The following TRPC7 variants were observed in gnomAD, a reference collection of about 807,000 sequenced individuals.
The protein encoded by TRPC7 is short transient receptor potential channel 7.
A neutral mutation model predicts 90.1 loss-of-function variants in TRPC7; 42 were observed. The observed-to-expected ratio is 0.47, with a 90% CI of 0.36 to 0.60. TRPC7 has a LOEUF of 0.60. Among genes scored for constraint, TRPC7 ranks in the 20% least tolerant of loss-of-function variants. The probability of loss-of-function intolerance (pLI) is 0.00; values close to 1 mark genes in which losing one functional copy is unlikely to be tolerated. For synonymous variants in TRPC7, 451 were observed against 436.3 expected (o/e 1.03, Z -0.42); for missense variants, 955 against 1,112.3 (o/e 0.86, Z 2.01).
intron 1 of TRPC7, among the ~76,000 whole-genome samples, chr5:136,361,646 G>A (rs1471800187): frequency 6.6e-6 from 1 of 152,136 alleles, no homozygotes; most frequent in East Asian, 1.9e-4. Context: ...TTTCTAAAAT[G>A]CTACATGCAT....
At position 136,227,698 on chromosome 5, in the gene TRPC7, G is replaced by C. The variant is rs374160981; in HGVS notation, c.2041-1443C>G. Among the ~76,000 whole-genome samples the C allele has an allele frequency of 2.4e-3, 371 of 152,340 alleles. 1 individual carries two copies. Among genetic ancestry groups the C allele is most frequent in the African/African-American group, 8.6e-3 (356 of 41,582 alleles). ...CCGTCCTGAGAGGAAGTGTGGTATAGTGCAAAGCACATGGGTTCTGCAGCC... is the reference window on the plus strand; with the variant it reads ...CCGTCCTGAGAGGAAGTGTGGTATACTGCAAAGCACATGGGTTCTGCAGCC... On this transcript the variant is annotated intron_variant, in intron 8 of 11. Transcript: ENST00000513104.
At chr5:136,284,013 G>A (rs1388931349) in intron 3 of TRPC7, among the ~76,000 whole-genome samples, 3 of 152,206 alleles carry the variant, frequency 2.0e-5, no homozygotes, top group East Asian at 1.9e-4. Flanking sequence ...TGTCCTCTTG[G>A]TGCTATCTGT....
At chr5:136,324,945 CT>C (rs1759300860) in intron 2 of TRPC7, among the ~76,000 whole-genome samples, 1 of 152,100 alleles carries the variant, frequency 6.6e-6, no homozygotes, top group Non-Finnish European at 1.5e-5. Context: ...CCCTTTAGGG[CT>C]GCAGTTATGG....
chr5:136,350,518 G>A (rs1760158482), intron 2 of TRPC7, among the ~76,000 whole-genome samples: 1 of 152,166 alleles, frequency 6.6e-6, no homozygotes, highest in Non-Finnish European at 1.5e-5. Context: ...GTTATTAAAG[G>A]ACACATTAAT....
chr5:136,354,134 G>A (rs192197600), intron 2 of TRPC7, among the ~76,000 whole-genome samples: 2 of 152,236 alleles, frequency 1.3e-5, no homozygotes, highest in African/African-American at 2.4e-5. Flanking sequence ...GAATTAATTG[G>A]TTTAGCTGTT....
intron 5 of TRPC7, among the ~76,000 whole-genome samples, chr5:136,257,051 T>C (rs2149808284): frequency 6.6e-6 from 1 of 152,350 alleles, no homozygotes; most frequent in African/African-American, 2.4e-5. Flanking sequence ...CAGGCCCACA[T>C]GTGGGCACAT....
intron 2 of TRPC7, among the ~76,000 whole-genome samples, chr5:136,345,160 G>A (rs13160439): frequency 0.025 from 3,787 of 152,228 alleles, 75 homozygotes; most frequent in Middle Eastern, 0.044. Context: ...AAAGTATGAA[G>A]GGAAATAAAA....
At chr5:136,318,542 C>T (rs1051943323) in intron 2 of TRPC7, among the ~76,000 whole-genome samples, 14 of 152,144 alleles carry the variant, frequency 9.2e-5, no homozygotes, top group Admixed American at 9.2e-4. Flanking sequence ...CATCAGTCTC[C>T]CAACATGACT....
intron 3 of TRPC7, among the ~76,000 whole-genome samples, chr5:136,307,670 G>A (rs774804090): frequency 3.3e-5 from 5 of 152,128 alleles, no homozygotes; most frequent in African/African-American, 9.7e-5. Flanking sequence ...TTTGGTTAAC[G>A]CAAGCTGGGG....
chr5:136,260,523 A>C (rs967430361), intron 5 of TRPC7, among the ~76,000 whole-genome samples: 1 of 152,194 alleles, frequency 6.6e-6, no homozygotes, highest in Non-Finnish European at 1.5e-5. Context: ...TCTTAGGCAG[A>C]AGCAGTGCAA....
chr5:136,248,902 A>C (rs1756432505), intron 6 of TRPC7, among the ~76,000 whole-genome samples: 1 of 152,236 alleles, frequency 6.6e-6, no homozygotes, highest in Non-Finnish European at 1.5e-5. Flanking sequence ...TGTCAAAGTG[A>C]CTGAATAGGA....
At chr5:136,293,590 G>T (rs886144200) in intron 3 of TRPC7, among the ~76,000 whole-genome samples, 2 of 152,166 alleles carry the variant, frequency 1.3e-5, no homozygotes, top group African/African-American at 2.4e-5. Context: ...CAAGGGATGT[G>T]AAGGACCTCT....
At chr5:136,336,978 C>T (rs911253523) in intron 2 of TRPC7, among the ~76,000 whole-genome samples, 24 of 152,184 alleles carry the variant, frequency 1.6e-4, no homozygotes, top group Admixed American at 1.2e-3. Context: ...TAGCCTGGGT[C>T]TGCTGACTCA....
At chr5:136,273,865 T>A (rs550195428) in intron 4 of TRPC7, among the ~76,000 whole-genome samples, 1 of 152,216 alleles carries the variant, frequency 6.6e-6, no homozygotes, top group Admixed American at 6.5e-5. Context: ...TTAAAAGCAC[T>A]GACTCTTCCC....
At chr5:136,261,826 A>G (rs1201458756) in intron 5 of TRPC7, among the ~76,000 whole-genome samples, 1 of 152,218 alleles carries the variant, frequency 6.6e-6, no homozygotes, top group African/African-American at 2.4e-5. Flanking sequence ...TGTGAACTTC[A>G]GGCATGTATA....
chr5:136,228,558 G>A (rs1215607566), intron 8 of TRPC7, among the ~76,000 whole-genome samples: 2 of 151,496 alleles, frequency 1.3e-5, no homozygotes, highest in African/African-American at 2.4e-5. Flanking sequence ...CTGGGGAGGC[G>A]GGATGAGCAG....
chr5:136,302,797 C>A (rs998572144), intron 3 of TRPC7, among the ~76,000 whole-genome samples: 3 of 152,116 alleles, frequency 2.0e-5, no homozygotes, highest in Non-Finnish European at 4.4e-5. Context: ...GTCTGAGGTG[C>A]CTGACGTCCA....
chr5:136,328,604 T>C (rs1759412555), intron 2 of TRPC7, among the ~76,000 whole-genome samples: 1 of 152,232 alleles, frequency 6.6e-6, no homozygotes, highest in Admixed American at 6.5e-5. Flanking sequence ...TCTCTCTGTG[T>C]GCTCTAATTT....
intron 3 of TRPC7, among the ~76,000 whole-genome samples, chr5:136,304,656 A>T (rs1758541715): frequency 3.9e-5 from 6 of 152,146 alleles, no homozygotes; most frequent in Admixed American, 3.9e-4. Flanking sequence ...TCAGCAAATT[A>T]CCTGGGCTAT....
Sources: allele counts gnomAD v4.1 joint callset (sites outside exome capture counted in the v4.1 genomes callset), GRCh38; gene constraint gnomAD v4.1.1; transcripts MANE v1.5; gene names NCBI Gene and HGNC (gene_info 2026-07-23, HGNC 2026-07-21).